The following PCDHGB2 variants were observed in gnomAD, a reference collection of about 807,000 sequenced individuals.
PCDHGB2 encodes protocadherin gamma subfamily B, 2.
PCDHGB2 carries 55 observed loss-of-function variants against 59.3 expected under a neutral mutation model. That is an observed-to-expected ratio of 0.93 (90% CI 0.75 to 1.16). The LOEUF is 1.16. Among genes scored for constraint, PCDHGB2 ranks in the 50% most tolerant of loss-of-function variants. PCDHGB2 has a pLI of 0.00. For synonymous variants in PCDHGB2, 516 were observed against 512.0 expected (o/e 1.01, Z -0.11); for missense variants, 1,228 against 1,198.5 (o/e 1.02, Z -0.36).
chr5:141,401,429 G>A lies in PCDHGB2; in HGVS notation c.2421+38873G>A, dbSNP rs1305820458. ...AGAGAAAGAGAGAGACTGATTCACT[G>A]AACTTAGAAGGTCCAAATCATCCAA... On this transcript the variant is annotated intron_variant, in intron 1 of 3. Coordinates refer to ENST00000522605, the MANE Select transcript of PCDHGB2 (RefSeq NM_018923.3). Among the ~76,000 whole-genome samples the A allele has an allele frequency of 2.6e-5, 4 of 152,182 alleles. No homozygotes were observed. In the East Asian group the frequency reaches 7.7e-4, roughly 29 times the overall value.
rs987930042 is a variant in PCDHGB2 at position 141,362,024 on chromosome 5, G to T, written c.1889G>T (p.Arg630Leu). 1.2e-6 allele frequency: 2 copies of T among 1,608,122 alleles called. No individual in the cohort carries two copies. The highest frequency in any genetic ancestry group is 1.3e-5 in the African/African-American group (1 of 74,812). Reference sequence around the variant, plus strand: ...CGCACGGGTGAGGTGCGCACAGCGCGTGCCTTGGGCGACAGGGACGCGGCC... The same window carrying T: ...CGCACGGGTGAGGTGCGCACAGCGCTTGCCTTGGGCGACAGGGACGCGGCC... The part of the protein sequence containing the change: ...GLRTGEVRTA[R>L]ALGDRDAARQ... Residue 630 changes from arginine (R) to leucine (L), a missense_variant, in exon 1 of 4, where the codon CGT becomes CTT. Transcript: ENST00000522605.
chr5:141,436,207 A>G (rs544201723), intron 1 of PCDHGB2, among the ~76,000 whole-genome samples: 67 of 152,260 alleles, frequency 4.4e-4, no homozygotes, highest in Non-Finnish European at 7.9e-4. Flanking sequence ...ACATAATAGG[A>G]AAACAAATGA....
chr5:141,409,808 G>A lies in PCDHGB2; in HGVS notation c.2421+47252G>A, dbSNP rs1445467116. On this transcript the variant is annotated intron_variant, in intron 1 of 3. Coordinates refer to ENST00000522605, the MANE Select transcript of PCDHGB2 (RefSeq NM_018923.3). ...CTTCGCGCTCACGCTGCAGGCCCGC[G>A]ACCACGGCTCGCCCACGCTCAGCGC... 4.3e-6 allele frequency: 7 copies of A among 1,611,624 alleles called. No individual in the cohort carries two copies. In the East Asian group the frequency reaches 1.3e-4, roughly 31 times the overall value.
At chr5:141,372,616 C>T (rs1289157345) in intron 1 of PCDHGB2, 1 of 1,613,978 alleles carries the variant, frequency 6.2e-7, no homozygotes, top group African/African-American at 1.3e-5. Flanking sequence ...GGAGTTCTCC[C>T]CACCTACAGC....
At chr5:141,386,329 GA>G (rs1445155662) in intron 1 of PCDHGB2, among the ~76,000 whole-genome samples, 4 of 152,150 alleles carry the variant, frequency 2.6e-5, no homozygotes, top group Non-Finnish European at 4.4e-5. Context: ...TTGTCATCCA[GA>G]AGGGGTGGAT....
Position 141,360,584 on chromosome 5 carries a change from CA to C in PCDHGB2, c.451del (p.Thr151HisfsTer44), listed in dbSNP as rs1475188649. On this transcript the variant is annotated frameshift_variant, in exon 1 of 4. Coordinates refer to ENST00000522605, the MANE Select transcript of PCDHGB2 (RefSeq NM_018923.3). LOFTEE classifies it high-confidence loss of function. ...ATTGGCGAATCCACTAAGCCAGGTA[CA>C]ACATTTCCACTTGACCCAGCCCTGG... Reference protein sequence around the residue: ...LKIGESTKPGTTFPLDPALDS... With the variant: ...LKIGESTKPGXTFPLDPALDS... The C allele has an allele frequency of 4.3e-6, 7 of 1,613,944 alleles. No homozygotes were observed. Among genetic ancestry groups the C allele is most frequent in the Non-Finnish European group, 5.1e-6 (6 of 1,179,864 alleles).
chr5:141,366,628 T>A, intron 1 of PCDHGB2: 1 of 1,614,132 alleles, frequency 6.2e-7, no homozygotes, highest in Admixed American at 1.7e-5. Flanking sequence ...CGAGGAAGAG[T>A]CACCTGATCT....
At position 141,370,441 on chromosome 5, in the gene PCDHGB2, T is replaced by C. The variant is rs2149963078; in HGVS notation, c.2421+7885T>C. On this transcript the variant is annotated intron_variant, in intron 1 of 3. Transcript: ENST00000522605. ...AGGGGCCCAGCAGGGCAGAGGCGAA[T>C]GCTATTTCTCTTCCTGCTCTCTTTG... 3.1e-6 allele frequency: 5 copies of C among 1,605,944 alleles called. No homozygotes were observed. Among genetic ancestry groups the C allele is most frequent in the Admixed American group, 1.7e-5 (1 of 58,778 alleles).
chr5:141,393,055 G>A (rs1225924697), intron 1 of PCDHGB2: 1 of 1,613,678 alleles, frequency 6.2e-7, no homozygotes, highest in South Asian at 1.1e-5. Flanking sequence ...AACCCGCGCA[G>A]CGGCAGCTTG....
At chr5:141,494,648 T>G in intron 1 of PCDHGB2, 159 bp from the exon 2 acceptor site, 1 of 946,506 alleles carries the variant, frequency 1.1e-6, no homozygotes, top group Non-Finnish European at 1.3e-6. Flanking sequence ...ACCTGAGGTG[T>G]ATTTTGTCTT....
intron 1 of PCDHGB2, chr5:141,417,801 G>A (rs368563336): frequency 1.3e-6 from 2 of 1,490,494 alleles, no homozygotes; most frequent in South Asian, 1.4e-5. Context: ...CTTTTAGCGC[G>A]GTAGAGTGCA....
chr5:141,426,270 G>A lies in PCDHGB2; in HGVS notation c.2421+63714G>A, dbSNP rs999517850. On this transcript the variant is annotated intron_variant, in intron 1 of 3. Coordinates refer to ENST00000522605, the MANE Select transcript of PCDHGB2 (RefSeq NM_018923.3). Reference sequence around the variant, plus strand: ...TTTTCTCTTAACGTCGGAGACTGCAGCAACGCATGGGAAGGATGGGAAACA... The same window carrying A: ...TTTTCTCTTAACGTCGGAGACTGCAACAACGCATGGGAAGGATGGGAAACA... 2.6e-4 allele frequency: 43 copies of A among 163,626 alleles called. 1 individual carries two copies. The highest frequency in any genetic ancestry group is 3.0e-3 in the Middle Eastern group (1 of 328). 10.1% of individuals were successfully genotyped at this position (163,626 alleles called of 1,614,324 possible).
rs1476081470 is a variant in PCDHGB2, at chr5:141,432,757, C to G, written c.2422-62050C>G. 2.5e-6 allele frequency: 4 copies of G among 1,614,150 alleles called. No homozygotes were observed. The highest frequency in any genetic ancestry group is 1.3e-5 in the African/African-American group (1 of 75,076). ...TCACGCTCACCGTGGCCGTGGCCGA[C>G]AGCATCCCCCAAGTCCTGGCGGACC... On this transcript the variant is annotated intron_variant, in intron 1 of 3. Coordinates refer to ENST00000522605, the MANE Select transcript of PCDHGB2 (RefSeq NM_018923.3). This position sits in a 1 kb window ranked among gnomAD's most constrained non-coding sequence, Gnocchi z 6.0.
At chr5:141,497,013 A>G (rs2099773320) in intron 2 of PCDHGB2, among the ~76,000 whole-genome samples, 1 of 151,990 alleles carries the variant, frequency 6.6e-6, no homozygotes, top group Admixed American at 6.6e-5. Context: ...ACATGGTGAA[A>G]CCCCATCTCG....
intron 1 of PCDHGB2, chr5:141,421,852 C>T: frequency 6.2e-7 from 1 of 1,613,770 alleles, no homozygotes; most frequent in South Asian, 1.1e-5. Context: ...AGAGGCTGCT[C>T]ACCTGCTCCT....
chr5:141,360,446 T>C lies in PCDHGB2; in HGVS notation c.311T>C (p.Leu104Pro). 6.2e-7 allele frequency: 1 copy of C among 1,614,014 alleles called. No individual in the cohort carries two copies. Among genetic ancestry groups the C allele is most frequent in the Non-Finnish European group, 8.5e-7 (1 of 1,179,884 alleles). Residue 104 changes from leucine (L) to proline (P), a missense_variant, in exon 1 of 4, where the codon CTG becomes CCG. Physicochemically the swap from Leu to Pro is moderately conservative, Grantham distance 98. Transcript: ENST00000522605. ...TGCGGGAAGCAGCCTCTGTGTGTTC[T>C]GGATTTCGATACTGTCGCTGAAAAT... ...QICGKQPLCV[L>P]DFDTVAENPL...
Position 141,421,318 on chromosome 5 carries a change from C to T in PCDHGB2, c.2421+58762C>T, listed in dbSNP as rs370020854. 5.6e-6 allele frequency: 9 copies of T among 1,613,824 alleles called. No homozygotes were observed. In the East Asian group the frequency reaches 2.0e-4, roughly 36 times the overall value. On this transcript the variant is annotated intron_variant, in intron 1 of 3. Coordinates refer to ENST00000522605, the MANE Select transcript of PCDHGB2 (RefSeq NM_018923.3). ...GACGCTGCGGGGGTTCCGGGCCAGG[C>T]AGATCCGATATTCGGTGCCAGAAGA...
Position 141,420,101 on chromosome 5 carries a change from T to A in PCDHGB2, c.2421+57545T>A. 5 of 1,614,046 alleles carry A rather than the reference T, an allele frequency of 3.1e-6. No homozygotes were observed. Among genetic ancestry groups the A allele is most frequent in the Non-Finnish European group, 4.2e-6 (5 of 1,179,870 alleles). ...TCCCCCCAACTACAGTGAGGGAACGTTGCCCTATGCCTATAATTTTTGTGT... is the reference window on the plus strand; with the variant it reads ...TCCCCCCAACTACAGTGAGGGAACGATGCCCTATGCCTATAATTTTTGTGT... On this transcript the variant is annotated intron_variant, in intron 1 of 3. Transcript: ENST00000522605.
At chr5:141,505,599 G>T in intron 3 of PCDHGB2, 118 bp downstream of exon 3, 1 of 1,555,586 alleles carries the variant, frequency 6.4e-7, no homozygotes, top group Non-Finnish European at 8.7e-7. Context: ...CAGATCTTTC[G>T]GCAGGTCTGA....
Sources: gnomAD v4.1 joint callset for allele counts (sites outside exome capture counted in the v4.1 genomes callset) on GRCh38, gnomAD v4.1.1 for gene constraint, Gnocchi (gnomAD v3.1) non-coding constraint, MANE v1.5 for transcripts, NCBI Gene and HGNC (gene_info 2026-07-23, HGNC 2026-07-21) for gene names.